The following CACNA1C variants were observed in gnomAD, a reference collection of about 807,000 sequenced individuals.
CACNA1C encodes the protein calcium voltage-gated channel subunit alpha1 C, also known as voltage-dependent L-type calcium channel subunit alpha-1C.
Under a neutral mutation model 229.0 loss-of-function variants are expected in CACNA1C, and 30 were observed. That is an observed-to-expected ratio of 0.13 (90% confidence interval 0.10 to 0.18). The LOEUF (loss-of-function observed/expected upper bound fraction) is 0.18, where lower values mean the gene tolerates loss of function less well. Among genes scored for constraint, CACNA1C ranks in the 10% least tolerant of loss-of-function variants. The pLI, the probability that CACNA1C is intolerant of heterozygous loss-of-function variation, is 1.00. For synonymous variants in CACNA1C, 1,114 were observed against 1,132.5 expected, an observed-to-expected ratio of 0.98 and a Z score of 0.33; for missense variants, 1,658 against 2,845.0, an observed-to-expected ratio of 0.58 and a Z score of 9.49.
At chr12:1,973,980 C>G (rs1048803196) in intron 1 of CACNA1C, among the ~76,000 whole-genome samples, 43 of 152,292 alleles carry the variant, frequency 2.8e-4, no homozygotes, top group African/African-American at 1.0e-3. Context: ...TTTTTCTTTG[C>G]TCCTGTAGTT....
chr12:2,289,042 T>A (rs1242262907), intron 3 of CACNA1C: 2 of 152,234 alleles, frequency 1.3e-5, no homozygotes, highest in African/African-American at 2.4e-5. Flanking sequence ...AGGGCTTCAT[T>A]GAAATCGGAT....
At chr12:2,050,511 A>G (rs1483163398), upstream of CACNA1C, among the ~76,000 whole-genome samples, 1 of 152,198 alleles carries the variant, frequency 6.6e-6, no homozygotes, top group Non-Finnish European at 1.5e-5. Context: ...GGGGATGCAA[A>G]CCAATTTTAC....
At chr12:2,686,063 C>T (rs1421871733) in intron 44 of CACNA1C, 103 bp from the exon 45 acceptor site, 15 of 1,009,498 alleles carry the variant, frequency 1.5e-5, no homozygotes, top group African/African-American at 9.5e-5. Flanking sequence ...AGGAGCGTCT[C>T]GGGCCATAGT....
chr12:2,606,200 C>T (rs1169190418), intron 24 of CACNA1C, among the ~76,000 whole-genome samples: 1 of 152,200 alleles, frequency 6.6e-6, no homozygotes, highest in Non-Finnish European at 1.5e-5. Context: ...CTGCTTCCTG[C>T]AGCACCCCTC....
chr12:2,614,741 G>A (rs754307489), intron 29 of CACNA1C: 1 of 152,224 alleles, frequency 6.6e-6, no homozygotes, highest in Non-Finnish European at 1.5e-5. Flanking sequence ...GTTGAAGACA[G>A]TCTGAAGTTG....
intron 3 of CACNA1C, among the ~76,000 whole-genome samples, chr12:2,393,197 C>A (rs1469570654): frequency 6.6e-6 from 1 of 152,162 alleles, no homozygotes; most frequent in Non-Finnish European, 1.5e-5. Context: ...GCCTCCAGAC[C>A]ACTGTCTTAC....
chr12:2,255,189 C>G (rs1025681621), intron 3 of CACNA1C, among the ~76,000 whole-genome samples: 1 of 151,452 alleles, frequency 6.6e-6, no homozygotes, highest in Non-Finnish European at 1.5e-5. Flanking sequence ...GATACAGACC[C>G]GTGCTCCCTC....
intron 1 of CACNA1C, among the ~76,000 whole-genome samples, chr12:2,081,960 A>C (rs2065810679): frequency 6.6e-6 from 1 of 152,060 alleles, no homozygotes. Flanking sequence ...GTCTTTTATG[A>C]TGTTATTCCA....
At chr12:2,141,174 G>A (rs1393084707) in intron 3 of CACNA1C, among the ~76,000 whole-genome samples, 1 of 151,112 alleles carries the variant, frequency 6.6e-6, no homozygotes, top group East Asian at 1.9e-4. Flanking sequence ...GGGTTGGAGG[G>A]GCAGACAGGG....
chr12:2,121,679 A>G (rs746112522), intron 3 of CACNA1C, among the ~76,000 whole-genome samples: 1 of 152,198 alleles, frequency 6.6e-6, no homozygotes, highest in Non-Finnish European at 1.5e-5. Context: ...GCGTGACCTC[A>G]TCTCTTAAGG....
chr12:2,254,565 C>T (rs1273081602), intron 3 of CACNA1C, among the ~76,000 whole-genome samples: 7 of 152,198 alleles, frequency 4.6e-5, no homozygotes, highest in African/African-American at 9.7e-5. Flanking sequence ...ATGTCAGCTC[C>T]GCACCCTCTG....
At chr12:2,201,257 G>A (rs1054964916) in intron 3 of CACNA1C, among the ~76,000 whole-genome samples, 10 of 152,122 alleles carry the variant, frequency 6.6e-5, no homozygotes, top group Non-Finnish European at 7.4e-5. Flanking sequence ...GACCTTCCCC[G>A]CAACTTAGCC....
intron 1 of CACNA1C, among the ~76,000 whole-genome samples, chr12:1,984,927 C>T (rs1318080820): frequency 6.6e-6 from 1 of 150,758 alleles, no homozygotes; most frequent in Non-Finnish European, 1.5e-5. Context: ...GAAAATGTTG[C>T]TCCACTGTCT....
chr12:2,106,804 C>A (rs1221453247), intron 1 of CACNA1C, among the ~76,000 whole-genome samples: 6 of 133,204 alleles, frequency 4.5e-5, no homozygotes, highest in Non-Finnish European at 8.0e-5. Context: ...TGGGTGCTCA[C>A]CCCGGGGAGG....
intron 8 of CACNA1C, 67 bp downstream of exon 8, chr12:2,505,012 C>A: frequency 1.2e-6 from 1 of 843,518 alleles, no homozygotes; most frequent in South Asian, 1.4e-5. Flanking sequence ...TCTGCTATTC[C>A]TGGCTGTATT....
At chr12:2,109,274 T>A (rs1259084627) in intron 1 of CACNA1C, among the ~76,000 whole-genome samples, 2 of 152,064 alleles carry the variant, frequency 1.3e-5, no homozygotes, top group African/African-American at 4.8e-5. Flanking sequence ...TATTCAACGG[T>A]GGCATGGAGG....
intron 5 of CACNA1C, among the ~76,000 whole-genome samples, chr12:2,471,106 A>T (rs983609046): frequency 6.6e-6 from 1 of 152,238 alleles, no homozygotes; most frequent in African/African-American, 2.4e-5. Context: ...TGCTAGGATT[A>T]CAGTTGTGAG....
chr12:2,130,437 A>G lies in CACNA1C; in HGVS notation c.477+10007A>G, dbSNP rs1342892576. Among the ~76,000 whole-genome samples the G allele has an allele frequency of 2.1e-4, 24 of 116,732 alleles. No homozygotes were observed. The South Asian group carries it at 3.1e-3, about 15-fold the overall frequency. The allele number at this position is 116,732 out of a possible 152,430, so 76.6% of individuals were successfully genotyped here. A position where few individuals can be genotyped will look rare whatever the true frequency, so the allele number is the denominator to read the frequency against. ...CATCTAGCATTAGGTATATCTCCCA[A>G]TGCTATCCCTCCCCCCTCCCCCCAC... On this transcript the variant is annotated intron_variant, in intron 3 of 46. Transcript: ENST00000399655.
Position 2,034,015 on chromosome 12 carries a change from A to T in CACNA1C, c.139+62814A>T, listed in dbSNP as rs2048674227. On this transcript the variant is annotated intron_variant, in intron 1 of 46. Coordinates refer to the CACNA1C transcript ENST00000682462. This position sits in a 1 kb window ranked among gnomAD's most constrained non-coding sequence, Gnocchi z 4.1. Reference sequence around the variant, plus strand: ...GCAAAGATTCGTAGAGAGGGGAGGAAGAGAATACAGTAACTGTATTGCAAC... The same window carrying T: ...GCAAAGATTCGTAGAGAGGGGAGGATGAGAATACAGTAACTGTATTGCAAC... Among the ~76,000 whole-genome samples, 1 of 152,236 alleles carries T rather than the reference A, an allele frequency of 6.6e-6. No individual in the cohort carries two copies. Among genetic ancestry groups the T allele is most frequent in the African/African-American group, 2.4e-5 (1 of 41,456 alleles).
Sources: gnomAD v4.1 joint callset for allele counts (sites outside exome capture counted in the v4.1 genomes callset) on GRCh38, gnomAD v4.1.1 for gene constraint, Gnocchi (gnomAD v3.1) non-coding constraint, MANE v1.5 for transcripts, NCBI Gene and HGNC (gene_info 2026-07-23, HGNC 2026-07-21) for gene names.